RIMS2: variants seen among roughly 807,000 people sequenced by gnomAD.
The protein encoded by RIMS2 is regulating synaptic membrane exocytosis protein 2.
Under a neutral mutation model 174.4 loss-of-function variants are expected in RIMS2, and 59 were observed. The ratio of observed to expected loss-of-function variants is 0.34; its 90% CI spans 0.27 to 0.42. RIMS2 has a LOEUF of 0.42. RIMS2 is among the 10% of genes least tolerant of loss of function. The pLI, the probability that RIMS2 is intolerant of heterozygous loss-of-function variation, is 1.00. For synonymous variants in RIMS2, 606 were observed against 572.5 expected (o/e 1.06, Z -0.84); for missense variants, 1,620 against 1,666.3 (o/e 0.97, Z 0.48).
chr8:104,075,737 T>C (rs1243854140), intron 19 of RIMS2, among the ~76,000 whole-genome samples: 2 of 152,202 alleles, frequency 1.3e-5, no homozygotes, highest in Non-Finnish European at 1.5e-5. Context: ...CCTGCTGATA[T>C]GGGAGCATAA....
At chr8:104,100,580 C>T (rs912523818) in intron 19 of RIMS2, among the ~76,000 whole-genome samples, 2 of 151,782 alleles carry the variant, frequency 1.3e-5, no homozygotes, top group Non-Finnish European at 2.9e-5. Flanking sequence ...ATTAGCTATC[C>T]AAGCATTTTT....
intron 1 of RIMS2, among the ~76,000 whole-genome samples, chr8:103,633,105 C>T (rs1299626911): frequency 1.3e-5 from 2 of 151,058 alleles, no homozygotes; most frequent in African/African-American, 4.9e-5. Context: ...CGGCTCACTG[C>T]AACCTCCATC....
chr8:103,718,167 A>G (rs1341493701), intron 2 of RIMS2, among the ~76,000 whole-genome samples: 3 of 152,180 alleles, frequency 2.0e-5, no homozygotes, highest in Non-Finnish European at 4.4e-5. Context: ...GATAATAGGC[A>G]AGGGACATCC....
chr8:104,105,415 A>G (rs890806189), intron 19 of RIMS2, among the ~76,000 whole-genome samples: 3 of 152,208 alleles, frequency 2.0e-5, no homozygotes, highest in African/African-American at 4.8e-5. Context: ...TTAAGACAAG[A>G]TAAAGGTTGG....
intron 3 of RIMS2, among the ~76,000 whole-genome samples, chr8:103,875,919 T>C (rs1055288759): frequency 6.6e-5 from 10 of 152,066 alleles, no homozygotes; most frequent in Non-Finnish European, 1.5e-4. Flanking sequence ...TTTTGAGAAA[T>C]GTTTGTTCAT....
At position 103,951,211 on chromosome 8, in the gene RIMS2, A is replaced by G. The variant is rs984302831; in HGVS notation, c.2701+8285A>G. ...CTCTCAATAAACTAGGCATTGAAGGAACATACTTCAAAATAATGAGAGCCA... is the reference window on the plus strand; with the variant it reads ...CTCTCAATAAACTAGGCATTGAAGGGACATACTTCAAAATAATGAGAGCCA... On this transcript the variant is annotated intron_variant, in intron 14 of 23. Coordinates refer to ENST00000504942, the Ensembl canonical transcript of RIMS2. 1.7e-3 allele frequency among the ~76,000 whole-genome samples: 265 copies of G among 152,230 alleles called. 3 individuals are homozygous for G. Among genetic ancestry groups the G allele is most frequent in the Non-Finnish European group, 1.8e-4 (12 of 68,040 alleles).
chr8:103,659,530 C>T (rs187759634), intron 1 of RIMS2, among the ~76,000 whole-genome samples: 3 of 152,136 alleles, frequency 2.0e-5, no homozygotes, highest in African/African-American at 7.2e-5. Flanking sequence ...GAGCCGGCCC[C>T]GGAGGACAGC....
rs374729270 is a variant in RIMS2 at position 103,572,355 on chromosome 8, C to T, written c.176+71293C>T. Among the ~76,000 whole-genome samples, 5 of 139,444 alleles carry T rather than the reference C, an allele frequency of 3.6e-5. No homozygotes were observed. In the East Asian group the frequency reaches 5.8e-4, roughly 16 times the overall value. The allele number at this position is 139,444 out of a possible 152,430, so 91.5% of individuals were successfully genotyped here. A position where few individuals can be genotyped will look rare whatever the true frequency, so the allele number is the denominator to read the frequency against. On this transcript the variant is annotated intron_variant, in intron 1 of 23. Coordinates refer to ENST00000504942, the Ensembl canonical transcript of RIMS2. ...TTATTTGGCCCTGCGCACGCCTTGC[C>T]GATTGGTCCATTTTACAGAGCACTG...
chr8:103,617,214 C>A (rs1386819881), intron 1 of RIMS2, among the ~76,000 whole-genome samples: 1 of 152,030 alleles, frequency 6.6e-6, no homozygotes, highest in East Asian at 1.9e-4. Context: ...AATAGGGCCC[C>A]ACATTTATAA....
At chr8:103,896,707 T>C (rs1298691540) in intron 4 of RIMS2, among the ~76,000 whole-genome samples, 1 of 151,580 alleles carries the variant, frequency 6.6e-6, no homozygotes, top group African/African-American at 2.4e-5. Flanking sequence ...TGAGCTCATC[T>C]AGAGGGTCCA....
intron 2 of RIMS2, among the ~76,000 whole-genome samples, chr8:103,708,713 T>G (rs2097264080): frequency 6.6e-6 from 1 of 152,238 alleles, no homozygotes; most frequent in South Asian, 2.1e-4. Context: ...CTGTGCATAA[T>G]GTAGCATTTT....
In RIMS2 at chr8:104,070,276, C is replaced by G. The variant is rs564900693; in HGVS notation, c.3334+55661C>G. Among the ~76,000 whole-genome samples, 7 of 152,222 alleles carry G rather than the reference C, an allele frequency of 4.6e-5. No individual in the cohort carries two copies. In the South Asian group the frequency reaches 1.5e-3, roughly 32 times the overall value. On this transcript the variant is annotated intron_variant, in intron 19 of 23. Coordinates refer to ENST00000504942, the Ensembl canonical transcript of RIMS2. Reference sequence around the variant, plus strand: ...TACATTATTACCAACATGGTGCATACAAAATTATTTATCACAGAATTCTGA... The same window carrying G: ...TACATTATTACCAACATGGTGCATAGAAAATTATTTATCACAGAATTCTGA...
intron 2 of RIMS2, among the ~76,000 whole-genome samples, chr8:103,750,893 C>A (rs1239594218): frequency 2.0e-5 from 3 of 152,126 alleles, no homozygotes; most frequent in Non-Finnish European, 2.9e-5. Context: ...CCAACCAAAT[C>A]TCATCTTGAA....
chr8:103,527,677 G>A lies in RIMS2; in HGVS notation c.176+26615G>A, dbSNP rs561017183. ...CTCCTTGCAATAGTTTGCTGAGAAT[G>A]ATGGTTTCCAGTTTCATCCATGTCC... On this transcript the variant is annotated intron_variant, in intron 1 of 23. Transcript: ENST00000504942. Among the ~76,000 whole-genome samples, 8 of 152,230 alleles carry A rather than the reference G, an allele frequency of 5.3e-5. No homozygotes were observed. In the East Asian group the frequency reaches 1.5e-3, roughly 29 times the overall value.
At chr8:103,775,555 T>C (rs942172854) in intron 3 of RIMS2, among the ~76,000 whole-genome samples, 5 of 152,138 alleles carry the variant, frequency 3.3e-5, no homozygotes, top group Non-Finnish European at 7.4e-5. Context: ...ATTCAATAAA[T>C]GCTTGGTGCA....
intron 16 of RIMS2, chr8:103,976,941 T>C (rs1186310439): frequency 6.6e-6 from 1 of 152,232 alleles, no homozygotes; most frequent in East Asian, 1.9e-4. Flanking sequence ...ACAGACAAGC[T>C]TAATGGAATA....
intron 19 of RIMS2, chr8:104,223,631 A>G (rs2099167229): frequency 1.3e-6 from 2 of 1,583,560 alleles, no homozygotes; most frequent in Non-Finnish European, 1.7e-6. Context: ...GTACCGCGGG[A>G]AAAGCGGGTC....
intron 13 of RIMS2, among the ~76,000 whole-genome samples, chr8:103,940,114 A>G (rs1341775700): frequency 1.3e-5 from 2 of 152,108 alleles, no homozygotes; most frequent in East Asian, 3.9e-4. Flanking sequence ...GCAGTGTCTC[A>G]CTGTACTAGT....
At chr8:104,114,904 G>A (rs1350040645) in intron 19 of RIMS2, among the ~76,000 whole-genome samples, 1 of 151,696 alleles carries the variant, frequency 6.6e-6, no homozygotes, top group Non-Finnish European at 1.5e-5. Flanking sequence ...AGCTTACATT[G>A]AAGGATTGCA....
Sources: allele counts gnomAD v4.1 joint callset (sites outside exome capture counted in the v4.1 genomes callset), GRCh38; gene constraint gnomAD v4.1.1; transcripts MANE v1.5; gene names NCBI Gene and HGNC (gene_info 2026-07-23, HGNC 2026-07-21).